GLRA3: variants seen among roughly 807,000 people sequenced by gnomAD.
The protein encoded by GLRA3 is glycine receptor subunit alpha-3.
GLRA3 carries 44 observed loss-of-function variants against 60.4 expected under a neutral mutation model. The observed-to-expected ratio is 0.73, with a 90% CI of 0.57 to 0.94. The LOEUF (loss-of-function observed/expected upper bound fraction) is 0.94, where lower values mean the gene tolerates loss of function less well. Ranked by LOEUF, GLRA3 falls within the 40% of genes least tolerant of loss-of-function variation. GLRA3 has a pLI of 0.00. For synonymous variants in GLRA3, 223 were observed against 192.9 expected (o/e 1.16, Z -1.29); for missense variants, 508 against 564.6 (o/e 0.90, Z 1.02).
chr4:174,661,398 C>T (rs1382879071), intron 7 of GLRA3, among the ~76,000 whole-genome samples: 2 of 152,156 alleles, frequency 1.3e-5, no homozygotes, highest in African/African-American at 4.8e-5. Flanking sequence ...GATCATTCAC[C>T]GTGTATGTGA....
chr4:174,729,224 A>T (rs1230827816), intron 3 of GLRA3, among the ~76,000 whole-genome samples: 1 of 152,216 alleles, frequency 6.6e-6, no homozygotes, highest in Non-Finnish European at 1.5e-5. Flanking sequence ...TTAGAGAAAG[A>T]TATTTTCTTC....
chr4:174,694,956 C>T (rs1734992488), intron 5 of GLRA3, among the ~76,000 whole-genome samples: 1 of 152,028 alleles, frequency 6.6e-6, no homozygotes, highest in Non-Finnish European at 1.5e-5. Context: ...CCTCTATGCA[C>T]ACAAACTAGA....
intron 2 of GLRA3, among the ~76,000 whole-genome samples, chr4:174,781,223 A>G (rs1443703608): frequency 3.3e-5 from 5 of 151,926 alleles, no homozygotes; most frequent in Non-Finnish European, 7.4e-5. Flanking sequence ...TACTGGGTAC[A>G]TAACGAAATG....
chr4:174,820,450 A>T (rs1175734136), intron 1 of GLRA3, among the ~76,000 whole-genome samples: 1 of 152,126 alleles, frequency 6.6e-6, no homozygotes, highest in African/African-American at 2.4e-5. Flanking sequence ...CAGCAGAGAG[A>T]ACTGGGAATG....
At chr4:174,815,813 T>C (rs377189591) in intron 1 of GLRA3, among the ~76,000 whole-genome samples, 1 of 151,966 alleles carries the variant, frequency 6.6e-6, no homozygotes, top group African/African-American at 2.4e-5. Flanking sequence ...GATGGGAGGG[T>C]CTGCCACAAA....
intron 1 of GLRA3, among the ~76,000 whole-genome samples, chr4:174,818,892 T>C (rs933020910): frequency 1.3e-5 from 2 of 152,180 alleles, no homozygotes; most frequent in Admixed American, 6.5e-5. Context: ...GGAAAATAGT[T>C]AATGCATATT....
rs189452699 is a variant in GLRA3 at position 174,796,607 on chromosome 4, G to T, written c.72-7664C>A. On this transcript the variant is annotated intron_variant, in intron 1 of 9. Coordinates refer to ENST00000274093, the MANE Select transcript of GLRA3 (RefSeq NM_006529.4). ...GCTGGAGTGCAGAGGCGCGATCTTG[G>T]CTGACTGAAACCTCCGCCTCCTGGG... is the stretch of plus-strand genomic sequence containing the variant. Among the ~76,000 whole-genome samples, 615 of 151,874 alleles carry T rather than the reference G, an allele frequency of 4.0e-3. 15 individuals are homozygous for T. The highest frequency in any genetic ancestry group is 0.036 in the Admixed American group (542 of 15,240).
Position 174,788,865 on chromosome 4 carries a change from T to A in GLRA3, c.150A>T (p.Leu50Phe). The change falls in exon 2 of 10, where the codon TTA becomes TTT. Residue 50 changes from leucine to phenylalanine, a missense_variant. Physicochemically the swap from Leu to Phe is conservative, Grantham distance 22. Transcript: ENST00000274093. ...CATCATATCCTGATGTCCTGCCCAT[T>A]AATTTATCCAGAAAATCAGAAGGTG... ...PMSPSDFLDK[L>F]MGRTSGYDAR... 1 of 1,609,128 alleles carries A rather than the reference T, an allele frequency of 6.2e-7. No individual in the cohort carries two copies. Among genetic ancestry groups the A allele is most frequent in the Non-Finnish European group, 8.5e-7 (1 of 1,176,264 alleles).
At chr4:174,821,271 T>C (rs1740730409) in intron 1 of GLRA3, among the ~76,000 whole-genome samples, 1 of 152,228 alleles carries the variant, frequency 6.6e-6, no homozygotes, top group African/African-American at 2.4e-5. Context: ...AATATACTGC[T>C]AAAGTTCTCT....
chr4:174,642,428 C>T lies in GLRA3; in HGVS notation c.*1358G>A. 1 of 968,784 alleles carries T rather than the reference C, an allele frequency of 1.0e-6. No homozygotes were observed. The highest frequency in any genetic ancestry group is 1.2e-6 in the Non-Finnish European group (1 of 815,070). 60.0% of individuals were successfully genotyped at this position (968,784 alleles called of 1,614,324 possible). Reference sequence around the variant, plus strand: ...CCTAAAAAGCATTCCAAAGCTTTTCCAAATAAATTTATGGTAAAAATAGTT... The same window carrying T: ...CCTAAAAAGCATTCCAAAGCTTTTCTAAATAAATTTATGGTAAAAATAGTT... On this transcript the variant is annotated 3_prime_UTR_variant, in exon 10 of 10. Transcript: ENST00000274093.
At chr4:174,743,456 A>G (rs1330761050) in intron 3 of GLRA3, among the ~76,000 whole-genome samples, 3 of 151,584 alleles carry the variant, frequency 2.0e-5, no homozygotes, top group Non-Finnish European at 2.9e-5. Context: ...TATACCAGCC[A>G]GTTATTTTGT....
intron 5 of GLRA3, 24 bp from the exon 6 acceptor site, chr4:174,682,963 T>A (rs1423663595): frequency 2.5e-6 from 4 of 1,592,386 alleles, no homozygotes; most frequent in Admixed American, 3.4e-5. Flanking sequence ...AATAAAAATA[T>A]GAATAGTCTA....
At chr4:174,713,986 G>A (rs879386788) in intron 5 of GLRA3, among the ~76,000 whole-genome samples, 23 of 152,070 alleles carry the variant, frequency 1.5e-4, no homozygotes, top group Non-Finnish European at 2.2e-4. Flanking sequence ...AATCTGATCC[G>A]TTTATCTAAG....
rs1016567434 is a variant in GLRA3, at chr4:174,643,978, C to A, written c.1203G>T (p.Lys401Asn). 2 of 1,613,812 alleles carry A rather than the reference C, an allele frequency of 1.2e-6. No individual in the cohort carries two copies. Among genetic ancestry groups the A allele is most frequent in the Non-Finnish European group, 1.7e-6 (2 of 1,179,828 alleles). ...CLQAKDGMTPKGPNHPVQVMP... is the reference protein window; with the variant it reads ...CLQAKDGMTPNGPNHPVQVMP... ...TTACCTGGACAGGGTGGTTGGGGCC[C>A]TTTGGAGTCATGCCATCCTTTGCTT... is the stretch of plus-strand genomic sequence containing the variant. Residue 401 changes from lysine (K) to asparagine (N), a missense_variant, in exon 10 of 10, where the codon AAG becomes AAT. By Grantham distance (94) the Lys-to-Asn change is moderately conservative (BLOSUM62 0). Transcript: ENST00000274093.
intron 3 of GLRA3, among the ~76,000 whole-genome samples, chr4:174,732,399 A>G (rs1297257604): frequency 6.6e-6 from 1 of 152,034 alleles, no homozygotes; most frequent in Non-Finnish European, 1.5e-5. Context: ...ATTGTAACAT[A>G]AATTTGATAT....
intron 2 of GLRA3, among the ~76,000 whole-genome samples, chr4:174,769,076 TTC>T (rs1738275113): frequency 6.6e-6 from 1 of 152,100 alleles, no homozygotes; most frequent in Non-Finnish European, 1.5e-5. Flanking sequence ...CTTGACTTAT[TTC>T]TGTTTCCCTC....
intron 9 of GLRA3, among the ~76,000 whole-genome samples, chr4:174,651,637 A>T (rs1235724046): frequency 1.3e-4 from 20 of 152,144 alleles, no homozygotes; most frequent in Non-Finnish European, 1.5e-5. Flanking sequence ...CCTGTTCTCC[A>T]GGTGGCCTTG....
chr4:174,728,673 C>T lies in GLRA3; in HGVS notation c.293G>A (p.Arg98His), dbSNP rs751921093. 2 of 1,596,916 alleles carry T rather than the reference C, an allele frequency of 1.3e-6. No homozygotes were observed. Among genetic ancestry groups the T allele is most frequent in the Non-Finnish European group, 1.7e-6 (2 of 1,167,166 alleles). ...TMDYRVNIFL[R>H]QKWNDPRLAY... The stretch of plus-strand genomic sequence containing the variant: ...GAGGCGGGGATCATTCCATTTCTGA[C>T]GAAGAAAGATATTCACTCTGTAATC... Residue 98 changes from arginine (R) to histidine (H), a missense_variant, in exon 4 of 10, where the codon CGT becomes CAT. Arg to His is a conservative substitution (Grantham distance 29, BLOSUM62 0). Transcript: ENST00000274093.
At chr4:174,760,526 A>AT (rs35439411) in intron 3 of GLRA3, among the ~76,000 whole-genome samples, 241 of 149,148 alleles carry the variant, frequency 1.6e-3, no homozygotes, top group African/African-American at 3.9e-3. Flanking sequence ...ATACACAATG[A>AT]TTTTTTTTTT....
Sources: gnomAD v4.1 joint callset for allele counts (sites outside exome capture counted in the v4.1 genomes callset) on GRCh38, gnomAD v4.1.1 for gene constraint, MANE v1.5 for transcripts, NCBI Gene and HGNC (gene_info 2026-07-23, HGNC 2026-07-21) for gene names.